HLA-DQA1: variants seen among roughly 807,000 people sequenced by gnomAD.
The protein encoded by HLA-DQA1 is major histocompatibility complex, class II, DQ alpha 1, also known as HLA class II histocompatibility antigen, DQ alpha 1 chain.
In HLA-DQA1, 10 loss-of-function variants were observed where a neutral mutation model predicts 20.7. The ratio of observed to expected loss-of-function variants is 0.48; its 90% CI spans 0.30 to 0.82. HLA-DQA1 has a LOEUF of 0.82. Among genes scored for constraint, HLA-DQA1 ranks in the 40% least tolerant of loss-of-function variants. The pLI, the probability that HLA-DQA1 is intolerant of heterozygous loss-of-function variation, is 0.07. For synonymous variants in HLA-DQA1, 39 were observed against 109.2 expected, an observed-to-expected ratio of 0.36 and a Z score of 4.01; for missense variants, 127 against 293.0, an observed-to-expected ratio of 0.43 and a Z score of 4.14.
chr6:32,646,295 G>A (rs1054617768), downstream of HLA-DQA1: 1 of 148,928 alleles, frequency 6.7e-6, no homozygotes, highest in Non-Finnish European at 1.5e-5. Flanking sequence ...GGTCACAGAG[G>A]CTCGTGCTTG....
the HLA-DQA1 span, among the ~76,000 whole-genome samples, chr6:32,653,670 G>C: frequency 9.1e-6 from 1 of 109,444 alleles, no homozygotes; most frequent in Non-Finnish European, 2.0e-5. Flanking sequence ...AATGCAATCA[G>C]TATATCAAAG....
In HLA-DQA1 at chr6:32,637,531, G is replaced by A. The variant is rs1230820635; in HGVS notation, c.73G>A (p.Asp25Asn). 5 of 1,144,808 alleles carry A rather than the reference G, an allele frequency of 4.4e-6. No homozygotes were observed. Among genetic ancestry groups the A allele is most frequent in the Admixed American group, 2.3e-5 (1 of 43,476 alleles). 70.9% of individuals were successfully genotyped at this position (1,144,808 alleles called of 1,614,324 possible). A position where few individuals can be genotyped will look rare whatever the true frequency, so the allele number is the denominator to read the frequency against. The change falls in exon 1 of 5, where the codon GAC becomes AAC. Residue 25 changes from aspartate to asparagine, a missense_variant. Asp to Asn is a conservative substitution (Grantham distance 23). Transcript: ENST00000343139. ...CGTGATGAGCCCCTGTGGAGGTGAA[G>A]ACATTGTGGGTGAGTGCATGAGTGA... Reference protein sequence around the residue: ...TTVMSPCGGEDIVADHVASCG... With the variant: ...TTVMSPCGGENIVADHVASCG...
At chr6:32,644,325 AAC>A (rs1216259919), downstream of HLA-DQA1, 1 of 152,188 alleles carries the variant, frequency 6.6e-6, no homozygotes, top group Non-Finnish European at 1.5e-5. Context: ...AAAAATACAA[AAC>A]ATTAATGCAA....
downstream of HLA-DQA1, chr6:32,645,459 C>T (rs1251346579): frequency 6.9e-6 from 1 of 145,248 alleles, no homozygotes; most frequent in Non-Finnish European, 1.5e-5. Context: ...ATAGGGTTCG[C>T]ACTCCTATGA....
At chr6:32,647,771 G>A (rs1378132151), downstream of HLA-DQA1, among the ~76,000 whole-genome samples, 1 of 151,834 alleles carries the variant, frequency 6.6e-6, no homozygotes, top group African/African-American at 2.4e-5. Context: ...TTTATTATTG[G>A]CTATACTAAG....
At chr6:32,644,597 A>G (rs2150977103), downstream of HLA-DQA1, 1 of 152,024 alleles carries the variant, frequency 6.6e-6, no homozygotes, top group South Asian at 2.1e-4. Context: ...TTTATAATTA[A>G]TTTATTTAAA....
downstream of HLA-DQA1, among the ~76,000 whole-genome samples, chr6:32,649,973 A>G (rs1272055155): frequency 1.0e-5 from 1 of 100,484 alleles, no homozygotes; most frequent in Non-Finnish European, 2.3e-5. Context: ...CCTACAAAGA[A>G]CTTAAACAAA....
At chr6:32,644,710 T>C (rs1276760760), downstream of HLA-DQA1, 33 of 107,028 alleles carry the variant, frequency 3.1e-4, 1 homozygote. Flanking sequence ...TTTCATATGA[T>C]AATTGAAGGA....
At chr6:32,648,466 G>T (rs1308041726), downstream of HLA-DQA1, among the ~76,000 whole-genome samples, 1 of 96,922 alleles carries the variant, frequency 1.0e-5, no homozygotes, top group Non-Finnish European at 2.3e-5. Flanking sequence ...GGGATGCAAG[G>T]CTGGTTCAAC....
chr6:32,642,457 G>A, intron 3 of HLA-DQA1, 153 bp from the exon 4 acceptor site: 2 of 694,348 alleles, frequency 2.9e-6, no homozygotes, highest in Admixed American at 3.1e-5. Context: ...GAGTGGGCCT[G>A]CCACTTCATG....
At chr6:32,653,874 G>A in the HLA-DQA1 span, among the ~76,000 whole-genome samples, 1 of 75,852 alleles carries the variant, frequency 1.3e-5, no homozygotes, top group Non-Finnish European at 2.9e-5. Context: ...TTATGTTAAG[G>A]GAAATAAGCC....
At position 32,641,953 on chromosome 6, in the gene HLA-DQA1, T is replaced by C. The variant is rs577455707; in HGVS notation, c.332-19T>C. ...CAGAGCTATTCACACTTCACACCAG[T>C]GCTGTTTCCTCACCACAGAGGTTCC... is the stretch of plus-strand genomic sequence containing the variant. On this transcript the variant is annotated intron_variant, in intron 2 of 4. Coordinates refer to ENST00000343139, the MANE Select transcript of HLA-DQA1 (RefSeq NM_002122.5). 3.4e-5 allele frequency: 50 copies of C among 1,480,806 alleles called. 4 individuals carry two copies. The South Asian group carries it at 5.2e-4, about 15-fold the overall frequency. The allele number at this position is 1,480,806 out of a possible 1,614,324, so 91.7% of individuals were successfully genotyped here.
At chr6:32,655,210 T>C in the HLA-DQA1 span, among the ~76,000 whole-genome samples, 1 of 147,594 alleles carries the variant, frequency 6.8e-6, no homozygotes, top group African/African-American at 2.5e-5. Context: ...TTTAAAATTT[T>C]TTCGAAGTGT....
At chr6:32,653,965 G>A in the HLA-DQA1 span, among the ~76,000 whole-genome samples, 25 of 103,544 alleles carry the variant, frequency 2.4e-4, 4 homozygotes, top group African/African-American at 8.5e-4. Flanking sequence ...GTGGGGAAAT[G>A]GGGGTAGTAG....
downstream of HLA-DQA1, chr6:32,643,709 C>T (rs1388483959): frequency 7.2e-6 from 1 of 138,732 alleles, no homozygotes; most frequent in African/African-American, 2.6e-5. Context: ...AGAATGATGA[C>T]AGTAGAAGCC....
At chr6:32,651,307 A>G (rs9501404), downstream of HLA-DQA1, among the ~76,000 whole-genome samples, 66,375 of 87,418 alleles carry the variant, frequency 0.76, 30,899 homozygotes, top group East Asian at 0.98. Context: ...AGACATGGCC[A>G]GGCGTGGTGG....
downstream of HLA-DQA1, among the ~76,000 whole-genome samples, chr6:32,647,741 G>C (rs1189397970): frequency 1.3e-5 from 2 of 152,012 alleles, no homozygotes; most frequent in Admixed American, 1.3e-4. Flanking sequence ...AACAGCAAAG[G>C]AGAGCAAATT....
intron 1 of HLA-DQA1, among the ~76,000 whole-genome samples, chr6:32,638,334 A>C (rs1335600581): frequency 7.9e-6 from 1 of 126,232 alleles, no homozygotes; most frequent in African/African-American, 3.0e-5. Flanking sequence ...TCAAATTATC[A>C]ACCCAAATTA....
chr6:32,644,241 A>G (rs553061148), downstream of HLA-DQA1: 1 of 152,280 alleles, frequency 6.6e-6, no homozygotes, highest in South Asian at 2.1e-4. Flanking sequence ...TCATGGCTCT[A>G]AACAGCTATG....
Sources: allele counts gnomAD v4.1 joint callset (sites outside exome capture counted in the v4.1 genomes callset), GRCh38; gene constraint gnomAD v4.1.1; transcripts MANE v1.5; gene names NCBI Gene and HGNC (gene_info 2026-07-23, HGNC 2026-07-21).